Variants in C1orf185 observed in about 807,000 individuals in gnomAD.
The protein encoded by C1orf185 is uncharacterized protein C1orf185.
C1orf185 carries 13 observed loss-of-function variants against 16.1 expected under a neutral mutation model. The observed-to-expected ratio is 0.81, with a 90% CI of 0.53 to 1.28. The LOEUF is 1.28. C1orf185 is among the 50% of genes most tolerant of loss of function. The pLI is 0.00. For synonymous variants in C1orf185, 80 were observed against 76.9 expected (o/e 1.04, Z -0.21); for missense variants, 220 against 225.2 (o/e 0.98, Z 0.15).
At chr1:51,129,089 T>C (rs1309779167) in intron 3 of C1orf185, among the ~76,000 whole-genome samples, 1 of 152,066 alleles carries the variant, frequency 6.6e-6, no homozygotes, top group South Asian at 2.1e-4. Context: ...TTCACCATGT[T>C]GGCCAGGCTG....
chr1:51,114,793 T>C (rs1646146143), intron 2 of C1orf185, among the ~76,000 whole-genome samples: 1 of 152,250 alleles, frequency 6.6e-6, no homozygotes, highest in Admixed American at 6.5e-5. Flanking sequence ...AATTGAGGTA[T>C]AGTTTACATA....
At chr1:51,139,058 G>A (rs1646346910) in intron 3 of C1orf185, among the ~76,000 whole-genome samples, 2 of 151,758 alleles carry the variant, frequency 1.3e-5, no homozygotes, top group African/African-American at 4.8e-5. Context: ...TTACATGTCT[G>A]TAAATGAATG....
chr1:51,145,806 A>G, intron 4 of C1orf185, 46 bp downstream of exon 4: 2 of 1,029,856 alleles, frequency 1.9e-6, no homozygotes, highest in Non-Finnish European at 2.7e-6. Context: ...AATGAACTTT[A>G]GCAATTCACA....
intron 3 of C1orf185, among the ~76,000 whole-genome samples, chr1:51,126,975 G>A (rs1177252910): frequency 2.0e-5 from 3 of 151,024 alleles, no homozygotes; most frequent in African/African-American, 7.3e-5. Flanking sequence ...CTCAATTGGG[G>A]TTTGTTTATT....
chr1:51,150,195 CTT>C (rs758936836), downstream of C1orf185, among the ~76,000 whole-genome samples: 67 of 142,160 alleles, frequency 4.7e-4, no homozygotes, highest in Admixed American at 7.8e-4. Flanking sequence ...GAATGTCTTT[CTT>C]TTTTTTTTTT....
intron 1 of C1orf185, among the ~76,000 whole-genome samples, chr1:51,105,346 C>A (rs1646061603): frequency 1.3e-5 from 2 of 151,038 alleles, no homozygotes. Flanking sequence ...ACTATGCAGC[C>A]TTAAAAAAAA....
At chr1:51,131,115 C>T (rs1305618193) in intron 3 of C1orf185, among the ~76,000 whole-genome samples, 1 of 152,164 alleles carries the variant, frequency 6.6e-6, no homozygotes, top group Non-Finnish European at 1.5e-5. Context: ...GTTGGTCAGG[C>T]TGGTCTCAAA....
intron 3 of C1orf185, among the ~76,000 whole-genome samples, chr1:51,131,422 T>G (rs1259690406): frequency 1.3e-5 from 2 of 152,220 alleles, no homozygotes; most frequent in African/African-American, 2.4e-5. Context: ...TGTAGATGTC[T>G]TCTCTCTTAT....
chr1:51,128,913 C>G (rs1233967628), intron 3 of C1orf185, among the ~76,000 whole-genome samples: 3 of 151,878 alleles, frequency 2.0e-5, no homozygotes, highest in Non-Finnish European at 4.4e-5. Context: ...GAGATGGAGT[C>G]TGGCGAGGTC....
At chr1:51,113,681 A>G (rs1420858152) in intron 2 of C1orf185, among the ~76,000 whole-genome samples, 3 of 152,120 alleles carry the variant, frequency 2.0e-5, no homozygotes, top group African/African-American at 7.2e-5. Context: ...GTGAAACTCC[A>G]TCTCAAAAAT....
intron 1 of C1orf185, among the ~76,000 whole-genome samples, chr1:51,106,536 A>C (rs758578933): frequency 3.3e-5 from 5 of 152,126 alleles, no homozygotes; most frequent in Admixed American, 1.3e-4. Context: ...GTTACTTGGG[A>C]GGCCAAGGAG....
At chr1:51,126,420 T>C (rs530391934) in intron 3 of C1orf185, among the ~76,000 whole-genome samples, 1 of 151,972 alleles carries the variant, frequency 6.6e-6, no homozygotes, top group East Asian at 1.9e-4. Context: ...CACACCACCA[T>C]GTCCACTTTA....
chr1:51,131,821 G>T (rs1224341850), intron 3 of C1orf185, among the ~76,000 whole-genome samples: 1 of 152,122 alleles, frequency 6.6e-6, no homozygotes, highest in Non-Finnish European at 1.5e-5. Flanking sequence ...TCCCACTGCT[G>T]CCACACTACT....
Position 51,106,474 on chromosome 1 carries a change from T to TA in C1orf185, c.16+4232dup, listed in dbSNP as rs578161689. ...TGGCAAAAAAGTGAGACTCTGTCTC[T>TA]AAAAAAATTAAAAAGATTAGCCAGG... is the stretch of plus-strand genomic sequence containing the variant. On this transcript the variant is annotated intron_variant, in intron 1 of 4. Transcript: ENST00000371759. Among the ~76,000 whole-genome samples the TA allele has an allele frequency of 2.3e-3, 353 of 152,104 alleles. 1 individual carries two copies. Among genetic ancestry groups the TA allele is most frequent in the Non-Finnish European group, 3.1e-3 (211 of 67,974 alleles).
At chr1:51,126,419 A>G (rs1380308818) in intron 3 of C1orf185, among the ~76,000 whole-genome samples, 1 of 151,794 alleles carries the variant, frequency 6.6e-6, no homozygotes, top group African/African-American at 2.4e-5. Context: ...ACACACCACC[A>G]TGTCCACTTT....
At chr1:51,145,595 C>G in intron 3 of C1orf185, 129 bp from the exon 4 acceptor site, 2 of 438,496 alleles carry the variant, frequency 4.6e-6, no homozygotes, top group Non-Finnish European at 7.7e-6. Flanking sequence ...GAAATTCATA[C>G]TGTGGAAAGA....
chr1:51,116,552 G>T (rs764640794), intron 2 of C1orf185, among the ~76,000 whole-genome samples: 3 of 152,082 alleles, frequency 2.0e-5, no homozygotes, highest in Non-Finnish European at 4.4e-5. Flanking sequence ...GATCTTAGGT[G>T]ATCCGCCCTC....
At chr1:51,133,908 C>G (rs1017328888) in intron 3 of C1orf185, among the ~76,000 whole-genome samples, 1 of 152,158 alleles carries the variant, frequency 6.6e-6, no homozygotes, top group African/African-American at 2.4e-5. Context: ...AGGGTGAAAC[C>G]CTGTCTCTAT....
chr1:51,142,715 T>C (rs192076213), intron 3 of C1orf185, among the ~76,000 whole-genome samples: 288 of 152,320 alleles, frequency 1.9e-3, no homozygotes, highest in Middle Eastern at 6.8e-3. Context: ...ATTTATTTAA[T>C]GTATCTGGTA....
Sources: gnomAD v4.1 joint callset for allele counts (sites outside exome capture counted in the v4.1 genomes callset) on GRCh38, gnomAD v4.1.1 for gene constraint, MANE v1.5 for transcripts, NCBI Gene and HGNC (gene_info 2026-07-23, HGNC 2026-07-21) for gene names.